The following PKIA variants were observed in gnomAD, a reference collection of about 807,000 sequenced individuals.
PKIA encodes cAMP-dependent protein kinase inhibitor alpha, also known as PKI-alpha.
Under a neutral mutation model 7.6 loss-of-function variants are expected in PKIA, and 4 were observed. That is an observed-to-expected ratio of 0.52 (90% CI 0.26 to 1.20). The LOEUF is 1.20. PKIA is among the 50% of genes most tolerant of loss of function. The pLI, the probability that PKIA is intolerant of heterozygous loss-of-function variation, is 0.13. For missense variants in PKIA, 73 were observed against 86.2 expected, an observed-to-expected ratio of 0.85 and a Z score of 0.61; for synonymous variants, 21 against 30.7, an observed-to-expected ratio of 0.68 and a Z score of 1.04.
rs1237432744 is a variant in PKIA, at chr8:78,603,482, C to CA, written c.*1663dup. 1.3e-5 allele frequency: 2 copies of CA among 151,804 alleles called. No homozygotes were observed. The highest frequency in any genetic ancestry group is 1.3e-4 in the Admixed American group (2 of 15,184). The allele number at this position is 151,804 out of a possible 1,614,324, so 9.4% of individuals were successfully genotyped here. On this transcript the variant is annotated 3_prime_UTR_variant, in exon 4 of 4. Coordinates refer to ENST00000396418, the MANE Select transcript of PKIA (RefSeq NM_006823.4). The stretch of plus-strand genomic sequence containing the variant: ...TAAGGGCATGGTTGCATTTAGTACT[C>CA]AATCAGATATTACTAGAAAAAAAAT...
intron 2 of PKIA, among the ~76,000 whole-genome samples, chr8:78,581,716 A>C (rs1183271396): frequency 1.3e-5 from 2 of 152,150 alleles, no homozygotes; most frequent in African/African-American, 4.8e-5. Flanking sequence ...GTACCAGATA[A>C]AAGAAACTAA....
At chr8:78,598,081 A>G (rs968432108) in intron 2 of PKIA, among the ~76,000 whole-genome samples, 2 of 147,218 alleles carry the variant, frequency 1.4e-5, no homozygotes, top group Non-Finnish European at 3.0e-5. Flanking sequence ...ATTATTAATT[A>G]TTAATAATAA....
chr8:78,542,584 CAT>C (rs1806721987), intron 1 of PKIA, among the ~76,000 whole-genome samples: 1 of 152,154 alleles, frequency 6.6e-6, no homozygotes, highest in Non-Finnish European at 1.5e-5. Flanking sequence ...GTAGTCCCAG[CAT>C]ATGTTTGCTT....
chr8:78,582,316 G>A (rs1467914323), intron 2 of PKIA, among the ~76,000 whole-genome samples: 1 of 151,884 alleles, frequency 6.6e-6, no homozygotes, highest in Admixed American at 6.6e-5. Context: ...CCACATTGCT[G>A]GAGAGGCCTC....
intron 1 of PKIA, among the ~76,000 whole-genome samples, chr8:78,568,592 G>A (rs539668541): frequency 1.9e-4 from 29 of 152,004 alleles, no homozygotes; most frequent in Non-Finnish European, 3.2e-4. Flanking sequence ...GACTTACTTC[G>A]GGACTTAAGA....
intron 1 of PKIA, among the ~76,000 whole-genome samples, chr8:78,524,593 A>C (rs1444303761): frequency 2.0e-5 from 3 of 151,904 alleles, no homozygotes; most frequent in Non-Finnish European, 2.9e-5. Flanking sequence ...GTACCTATTG[A>C]GACTCTCCAT....
rs550928392 is a variant in PKIA at position 78,578,551 on chromosome 8, G to A, written c.-28+5612G>A. Among the ~76,000 whole-genome samples, 432 of 124,664 alleles carry A rather than the reference G, an allele frequency of 3.5e-3. 3 individuals carry two copies. The highest frequency in any genetic ancestry group is 0.01 in the African/African-American group (339 of 33,488). The allele number at this position is 124,664 out of a possible 152,430, so 81.8% of individuals were successfully genotyped here. A position where few individuals can be genotyped will look rare whatever the true frequency, so the allele number is the denominator to read the frequency against. ...AGTAGAAAAAAATCATTATTTTTTT[G>A]TTTGCTAAAAGCTCTCGTTAGAATA... On this transcript the variant is annotated intron_variant, in intron 2 of 3. Coordinates refer to ENST00000396418, the MANE Select transcript of PKIA (RefSeq NM_006823.4).
chr8:78,519,443 A>G (rs1298127636), intron 1 of PKIA, among the ~76,000 whole-genome samples: 1 of 152,154 alleles, frequency 6.6e-6, no homozygotes, highest in African/African-American at 2.4e-5. Flanking sequence ...GTCTCAAATT[A>G]AAAAATAAAA....
chr8:78,602,006 C>G lies in PKIA; in HGVS notation c.*185C>G. The G allele has an allele frequency of 1.7e-6, 1 of 582,548 alleles. No individual in the cohort carries two copies. The highest frequency in any genetic ancestry group is 3.0e-6 in the Non-Finnish European group (1 of 328,064). 36.1% of individuals were successfully genotyped at this position (582,548 alleles called of 1,614,324 possible). ...TGGCTGCAGGCAGACTTTTCCCTACCTCTGTCATTAGCAATGGTTGAAATC... is the reference window on the plus strand; with the variant it reads ...TGGCTGCAGGCAGACTTTTCCCTACGTCTGTCATTAGCAATGGTTGAAATC... On this transcript the variant is annotated 3_prime_UTR_variant, in exon 4 of 4. Coordinates refer to ENST00000396418, the MANE Select transcript of PKIA (RefSeq NM_006823.4).
At chr8:78,548,280 A>G (rs927129184) in intron 1 of PKIA, among the ~76,000 whole-genome samples, 4 of 152,080 alleles carry the variant, frequency 2.6e-5, no homozygotes, top group Non-Finnish European at 4.4e-5. Flanking sequence ...TTTTTTATAC[A>G]TTGCCTTATT....
intron 1 of PKIA, among the ~76,000 whole-genome samples, chr8:78,527,045 G>A (rs1002204064): frequency 3.3e-5 from 5 of 151,990 alleles, no homozygotes; most frequent in Admixed American, 6.6e-5. Flanking sequence ...ATTTTGTGGT[G>A]AGCAAGAACT....
chr8:78,567,001 T>C (rs1807430883), intron 1 of PKIA, among the ~76,000 whole-genome samples: 1 of 152,138 alleles, frequency 6.6e-6, no homozygotes, highest in African/African-American at 2.4e-5. Context: ...TCAATATCAG[T>C]AAGGTAAAGC....
At chr8:78,581,431 G>T (rs1032204072) in intron 2 of PKIA, among the ~76,000 whole-genome samples, 1 of 151,956 alleles carries the variant, frequency 6.6e-6, no homozygotes, top group Non-Finnish European at 1.5e-5. Context: ...TGTTAAAAAA[G>T]AAATAAATAA....
chr8:78,551,259 A>G (rs1806976198), intron 1 of PKIA, among the ~76,000 whole-genome samples: 1 of 152,100 alleles, frequency 6.6e-6, no homozygotes, highest in South Asian at 2.1e-4. Context: ...GAACTGTTCT[A>G]GTAAATCCTA....
chr8:78,593,322 C>T (rs1808148373), intron 2 of PKIA, among the ~76,000 whole-genome samples: 1 of 152,120 alleles, frequency 6.6e-6, no homozygotes, highest in Non-Finnish European at 1.5e-5. Context: ...AAGGTTTCAC[C>T]ATGTTGGTCA....
intron 2 of PKIA, among the ~76,000 whole-genome samples, chr8:78,578,824 C>T (rs1453143450): frequency 6.6e-6 from 1 of 151,848 alleles, no homozygotes. Context: ...TATTCTAGTC[C>T]CATTGCTTCA....
chr8:78,570,718 C>T (rs936969559), intron 1 of PKIA, among the ~76,000 whole-genome samples: 1 of 152,122 alleles, frequency 6.6e-6, no homozygotes, highest in Non-Finnish European at 1.5e-5. Flanking sequence ...CTACCATGCT[C>T]TCTGTTGTCT....
chr8:78,597,039 G>A (rs956917814), intron 2 of PKIA, among the ~76,000 whole-genome samples: 3 of 152,122 alleles, frequency 2.0e-5, no homozygotes, highest in African/African-American at 7.2e-5. Flanking sequence ...ATTGGTCTCT[G>A]TATCTGTTTT....
chr8:78,536,414 G>C (rs975828209), intron 1 of PKIA, among the ~76,000 whole-genome samples: 1 of 152,160 alleles, frequency 6.6e-6, no homozygotes, highest in East Asian at 1.9e-4. Context: ...CTGAGCTCTG[G>C]TTAGAGACTC....
Sources: gnomAD v4.1 joint callset for allele counts (sites outside exome capture counted in the v4.1 genomes callset) on GRCh38, gnomAD v4.1.1 for gene constraint, MANE v1.5 for transcripts, NCBI Gene and HGNC (gene_info 2026-07-23, HGNC 2026-07-21) for gene names.